Variants in LRP1 observed in about 807,000 individuals in gnomAD.
The protein encoded by LRP1 is LDL receptor related protein 1.
In LRP1, 51 loss-of-function variants were observed where a neutral mutation model predicts 541.5. The ratio of observed to expected loss-of-function variants is 0.09; its 90% confidence interval spans 0.08 to 0.12. The LOEUF (loss-of-function observed/expected upper bound fraction) is 0.12. LRP1 is among the 10% of genes least tolerant of loss of function. LRP1 has a pLI of 1.00. For synonymous variants in LRP1, 2,219 were observed against 2,470.8 expected (o/e 0.90, Z 3.02); for missense variants, 3,878 against 6,376.2 (o/e 0.61, Z 13.34).
chr12:57,196,887 C>A, intron 55 of LRP1, 95 bp from the exon 56 acceptor site: 1 of 1,115,358 alleles, frequency 9.0e-7, no homozygotes, highest in Non-Finnish European at 1.3e-6. Flanking sequence ...CCTAGTGAGG[C>A]CGGGTAGAGG....
intron 2 of LRP1, 92 bp downstream of exon 2, chr12:57,138,673 C>A (rs1281517317): frequency 1.3e-5 from 20 of 1,526,476 alleles, no homozygotes; most frequent in Non-Finnish European, 1.6e-5. Flanking sequence ...TGATCCCTAG[C>A]CTGATGTGGA....
chr12:57,128,912 G>C lies in LRP1; in HGVS notation c.-53G>C. ...CCCCCCAACTGGGGGGGGTGAAGGA[G>C]AGAAGTAGCAGGACCAGAGGGGAAG... On this transcript the variant is annotated 5_prime_UTR_variant, in exon 1 of 89. Transcript: ENST00000243077. 6.8e-7 allele frequency: 1 copy of C among 1,480,994 alleles called. No individual in the cohort carries two copies. Among genetic ancestry groups the C allele is most frequent in the Middle Eastern group, 1.8e-4 (1 of 5,636 alleles). 91.7% of individuals were successfully genotyped at this position (1,480,994 alleles called of 1,614,324 possible).
chr12:57,181,041 C>T, intron 33 of LRP1, 116 bp from the exon 34 acceptor site: 1 of 1,350,340 alleles, frequency 7.4e-7, no homozygotes, highest in Non-Finnish European at 1.0e-6. Context: ...GGGTGGTGAC[C>T]CCCATTAGGT....
In LRP1 at chr12:57,156,412, C is replaced by G; in HGVS notation, c.1417+129C>G. 1 of 988,308 alleles carries G rather than the reference C, an allele frequency of 1.0e-6. No individual in the cohort carries two copies. The highest frequency in any genetic ancestry group is 1.7e-5 in the South Asian group (1 of 58,578). 61.2% of individuals were successfully genotyped at this position (988,308 alleles called of 1,614,324 possible). The stretch of plus-strand genomic sequence containing the variant: ...CTTCTTTCATGTCATGACCGATTCT[C>G]CTAGCCAGCCACTCGGGCTACCTGC... On this transcript the variant is annotated intron_variant, in intron 9 of 88. Coordinates refer to ENST00000243077, the MANE Select transcript of LRP1 (RefSeq NM_002332.3). This position sits in a 1 kb window ranked among gnomAD's most constrained non-coding sequence, Gnocchi z 5.2.
rs754167359 is a variant in LRP1, at chr12:57,180,718, G to A, written c.5438G>A (p.Ser1813Asn). 8 of 1,614,102 alleles carry A rather than the reference G, an allele frequency of 5.0e-6. No individual in the cohort carries two copies. Among genetic ancestry groups the A allele is most frequent in the African/African-American group, 2.7e-5 (2 of 75,074 alleles). ...GTGTCGGAAAAGATGGGCACATGCA[G>A]CAAGGCTGACGGCTCGGGCTCCGTG... ...DQVSEKMGTC[S>N]KADGSGSVVL... Residue 1813 changes from serine to asparagine, a missense_variant, in exon 33 of 89, where the codon AGC becomes AAC. By Grantham distance (46) the Ser-to-Asn change is conservative (BLOSUM62 1). Transcript: ENST00000243077.
chr12:57,173,738 C>A lies in LRP1; in HGVS notation c.3347-42C>A, dbSNP rs1565732667. ...CTGGAAGGAAGGGCAGGGGGAGCCC[C>A]AGTCCCCGGGCCTGGGCCCTCATAG... is the stretch of plus-strand genomic sequence containing the variant. On this transcript the variant is annotated intron_variant, in intron 21 of 88. Transcript: ENST00000243077. The surrounding 1 kb of genome is among the most constrained non-coding windows in gnomAD (Gnocchi z 4.7). 2 of 1,603,670 alleles carry A rather than the reference C, an allele frequency of 1.2e-6. No individual in the cohort carries two copies. Among genetic ancestry groups the A allele is most frequent in the Admixed American group, 1.7e-5 (1 of 60,014 alleles).
intron 1 of LRP1, among the ~76,000 whole-genome samples, chr12:57,134,644 C>T (rs1434200602): frequency 6.6e-6 from 1 of 152,098 alleles, no homozygotes; most frequent in African/African-American, 2.4e-5. Context: ...CCGCCTCCAC[C>T]TCCCAAAGTG....
intron 60 of LRP1, 48 bp from the exon 61 acceptor site, chr12:57,199,164 G>C: frequency 6.3e-7 from 1 of 1,587,858 alleles, no homozygotes; most frequent in Non-Finnish European, 8.6e-7. Flanking sequence ...CCGGCACCCT[G>C]TCCGAGCTCC....
rs762478240 is a variant in LRP1, at chr12:57,193,222, T to C, written c.7602T>C (p.Asn2534=). 1 of 1,614,120 alleles carries C rather than the reference T, an allele frequency of 6.2e-7. No homozygotes were observed. Among genetic ancestry groups the C allele is most frequent in the East Asian group, 2.2e-5 (1 of 44,876 alleles). The change falls in exon 46 of 89, where the codon AAT becomes AAC. Residue 2534 remains asparagine (N), a synonymous_variant. Transcript: ENST00000243077. The part of the protein sequence containing the change: ...CRAQDEFECA[N]GECINFSLTC... ...CACAAGATGAGTTTGAGTGTGCCAATGGCGAGTGCATCAACTTCAGCCTGA... is the reference window on the plus strand; with the variant it reads ...CACAAGATGAGTTTGAGTGTGCCAACGGCGAGTGCATCAACTTCAGCCTGA...
rs552192944 is a variant in LRP1 at position 57,158,305 on chromosome 12, T to A, written c.1562-97T>A. ...CGCATCCCTAACGTCTCCTGACCCA[T>A]CACAGCTAGGGCATTGCAGCCCCTT... On this transcript the variant is annotated intron_variant, in intron 10 of 88. Transcript: ENST00000243077. This position sits in a 1 kb window ranked among gnomAD's most constrained non-coding sequence, Gnocchi z 5.3. 10 of 985,654 alleles carry A rather than the reference T, an allele frequency of 1.0e-5. No individual in the cohort carries two copies. The highest frequency in any genetic ancestry group is 3.1e-4 in the Middle Eastern group (1 of 3,256). 61.1% of individuals were successfully genotyped at this position (985,654 alleles called of 1,614,324 possible). A position where few individuals can be genotyped will look rare whatever the true frequency, so the allele number is the denominator to read the frequency against.
rs750730586 is a variant in LRP1, at chr12:57,198,460, G to A, written c.9471-5G>A. The A allele has an allele frequency of 1.4e-5, 23 of 1,612,782 alleles. 1 individual carries two copies. In the Admixed American group the frequency reaches 2.8e-4, roughly 20 times the overall value. ...TCCCAGGGCTCACTGCCTACCCATCGCCAGGTACCTGTACTGGACAGACTG... is the reference window on the plus strand; with the variant it reads ...TCCCAGGGCTCACTGCCTACCCATCACCAGGTACCTGTACTGGACAGACTG... On this transcript the variant is annotated splice_polypyrimidine_tract_variant and splice_region_variant and intron_variant, in intron 59 of 88. Coordinates refer to ENST00000243077, the MANE Select transcript of LRP1 (RefSeq NM_002332.3).
intron 6 of LRP1, chr12:57,149,167 C>T (rs2035476871): frequency 4.5e-6 from 2 of 447,362 alleles, no homozygotes; most frequent in Non-Finnish European, 7.9e-6. Context: ...CTACAAAGCA[C>T]TTCCAGACTT....
chr12:57,177,189 C>G lies in LRP1; in HGVS notation c.4140C>G (p.Thr1380=). 6.2e-7 allele frequency: 1 copy of G among 1,614,238 alleles called. No individual in the cohort carries two copies. The change falls in exon 25 of 89, where the codon ACC becomes ACG. Residue 1380 remains threonine (T), a synonymous_variant. Coordinates refer to ENST00000243077, the MANE Select transcript of LRP1 (RefSeq NM_002332.3). The surrounding 1 kb of genome is among the most constrained non-coding windows in gnomAD (Gnocchi z 6.8). ...VAKLDGTLRT[T]LLAGDIEHPR... ...AGCTGGATGGGACCCTCCGGACCACCCTGCTGGCCGGTGACATTGAGCACC... is the reference window on the plus strand; with the variant it reads ...AGCTGGATGGGACCCTCCGGACCACGCTGCTGGCCGGTGACATTGAGCACC...
Position 57,210,311 on chromosome 12 carries a change from C to G in LRP1, c.12585C>G (p.Pro4195=). Residue 4195 remains proline (P), a synonymous_variant, in exon 82 of 89, where the codon CCC becomes CCG. Transcript: ENST00000243077. ...CTTGACGGGCCCTTCCTGCAGCTCC[C>G]CGGCCTGGAACCTGTAACCTGCAGT... ...VPSPTPPPDA[P]RPGTCNLQCF... is the part of the protein sequence containing the mutation. 6.4e-7 allele frequency: 1 copy of G among 1,554,088 alleles called. No homozygotes were observed. Among genetic ancestry groups the G allele is most frequent in the Non-Finnish European group, 8.7e-7 (1 of 1,146,826 alleles).
Position 57,197,785 on chromosome 12 carries a change from T to C in LRP1, c.9282+121T>C. ...CCTTCTCACTCCACTAGTCACTATATGACTGCTTGTTCTAGCTGCTCACTC... is the reference window on the plus strand; with the variant it reads ...CCTTCTCACTCCACTAGTCACTATACGACTGCTTGTTCTAGCTGCTCACTC... On this transcript the variant is annotated intron_variant, in intron 58 of 88. Transcript: ENST00000243077. This position sits in a 1 kb window ranked among gnomAD's most constrained non-coding sequence, Gnocchi z 4.5. 1 of 1,146,018 alleles carries C rather than the reference T, an allele frequency of 8.7e-7. No individual in the cohort carries two copies. The highest frequency in any genetic ancestry group is 1.2e-6 in the Non-Finnish European group (1 of 815,462). The allele number at this position is 1,146,018 out of a possible 1,614,324, so 71.0% of individuals were successfully genotyped here.
chr12:57,202,042 G>A (rs1259333366), intron 67 of LRP1, 137 bp downstream of exon 67: 6 of 1,172,532 alleles, frequency 5.1e-6, no homozygotes, highest in East Asian at 2.5e-5. Flanking sequence ...TGGGCCTGCT[G>A]TGGGGCTGGG....
In LRP1 at chr12:57,175,456, C is replaced by T; in HGVS notation, c.3548-4C>T. The T allele has an allele frequency of 6.2e-7, 1 of 1,612,834 alleles. No homozygotes were observed. On this transcript the variant is annotated splice_region_variant and splice_polypyrimidine_tract_variant and intron_variant, in intron 22 of 88. Transcript: ENST00000243077. ...GGTCTGTTCCATGCCTGCCCCTCCC[C>T]TAGACCAGTGCTCTCTGAATAACGG...
intron 1 of LRP1, 29 bp downstream of exon 1, chr12:57,129,060 C>A (rs2034980174): frequency 1.9e-6 from 3 of 1,548,746 alleles, no homozygotes; most frequent in Non-Finnish European, 2.6e-6. Flanking sequence ...CCCCCTTGGA[C>A]CCCTGGGGGC....
Position 57,209,092 on chromosome 12 carries a change from T to C in LRP1, c.12155T>C (p.Val4052Ala). ...DNIQWPTGLAVDYHNERLYWA... is the reference protein window; with the variant it reads ...DNIQWPTGLAADYHNERLYWA... ...CTCTCTCTCTCCCCAGGCCTGGCCGTGGATTATCACAATGAGCGGCTGTAC... is the reference window on the plus strand; with the variant it reads ...CTCTCTCTCTCCCCAGGCCTGGCCGCGGATTATCACAATGAGCGGCTGTAC... Residue 4052 changes from valine to alanine, a missense_variant, in exon 79 of 89, where the codon GTG becomes GCG. Around this residue, in one of 13 missense-constraint regions of LRP1, gnomAD observed 871 missense variants for 1,212.4 expected, o/e 0.72. Coordinates refer to ENST00000243077, the MANE Select transcript of LRP1 (RefSeq NM_002332.3). 6.2e-7 allele frequency: 1 copy of C among 1,612,826 alleles called. No homozygotes were observed. Among genetic ancestry groups the C allele is most frequent in the Non-Finnish European group, 8.5e-7 (1 of 1,178,980 alleles).
Sources: gnomAD v4.1 joint callset for allele counts (sites outside exome capture counted in the v4.1 genomes callset) on GRCh38, gnomAD v4.1.1 for gene constraint, gnomAD v4.1.1 regional missense constraint, Gnocchi (gnomAD v3.1) non-coding constraint, MANE v1.5 for transcripts, NCBI Gene and HGNC (gene_info 2026-07-23, HGNC 2026-07-21) for gene names.